Variants in PRMT8 observed in about 807,000 individuals in gnomAD.
PRMT8 encodes protein arginine N-methyltransferase 8.
In PRMT8, 7 loss-of-function variants were observed where a neutral mutation model predicts 47.1. The ratio of observed to expected loss-of-function variants is 0.15; its 90% CI spans 0.08 to 0.28. The LOEUF (loss-of-function observed/expected upper bound fraction) is 0.28. PRMT8 is among the 10% of genes least tolerant of loss of function. The pLI is 1.00. For synonymous variants in PRMT8, 188 were observed against 186.5 expected (o/e 1.01, Z -0.07); for missense variants, 237 against 505.4 (o/e 0.47, Z 5.09).
chr12:3,387,541 G>T (rs1864153875), intron 1 of PRMT8, among the ~76,000 whole-genome samples: 1 of 152,078 alleles, frequency 6.6e-6, no homozygotes, highest in Non-Finnish European at 1.5e-5. Flanking sequence ...GACACTGAGA[G>T]GTGGGCATAA....
intron 1 of PRMT8, among the ~76,000 whole-genome samples, chr12:3,525,943 G>T (rs1285652092): frequency 6.6e-6 from 1 of 151,970 alleles, no homozygotes; most frequent in Non-Finnish European, 1.5e-5. Flanking sequence ...CATTCACATT[G>T]CAGTGCAACC....
At chr12:3,388,127 T>C (rs1487938374) in intron 1 of PRMT8, among the ~76,000 whole-genome samples, 2 of 141,510 alleles carry the variant, frequency 1.4e-5, no homozygotes, top group East Asian at 5.0e-4. Context: ...GGATCACACA[T>C]TGCATTTACT....
intron 1 of PRMT8, among the ~76,000 whole-genome samples, chr12:3,512,160 T>C (rs1452403723): frequency 6.6e-6 from 1 of 152,222 alleles, no homozygotes; most frequent in Non-Finnish European, 1.5e-5. Context: ...ATCAGCCAGC[T>C]ACACTAGACA....
At chr12:3,485,099 C>T (rs1865309896) in intron 1 of PRMT8, among the ~76,000 whole-genome samples, 1 of 152,092 alleles carries the variant, frequency 6.6e-6, no homozygotes, top group Admixed American at 6.6e-5. Context: ...TTAAGAAAAT[C>T]TTAAGTTTTT....
At chr12:3,507,017 A>T (rs557481348) in intron 1 of PRMT8, among the ~76,000 whole-genome samples, 1 of 152,060 alleles carries the variant, frequency 6.6e-6, no homozygotes, top group African/African-American at 2.4e-5. Context: ...TAATGCCACT[A>T]TAAGGGGAAG....
At position 3,550,103 on chromosome 12, in the gene PRMT8, G is replaced by T; in HGVS notation, c.417+12G>T. 1 of 1,612,492 alleles carries T rather than the reference G, an allele frequency of 6.2e-7. No individual in the cohort carries two copies. Among genetic ancestry groups the T allele is most frequent in the Non-Finnish European group, 8.5e-7 (1 of 1,179,254 alleles). On this transcript the variant is annotated intron_variant, in intron 3 of 9. Transcript: ENST00000382622. This position sits in a 1 kb window ranked among gnomAD's most constrained non-coding sequence, Gnocchi z 5.1. ...AGAAGGTGTTTGGGGTGAGCACGCC[G>T]CTTCCTCCTGCATGCTGGCTTCCAC... is the stretch of plus-strand genomic sequence containing the variant.
chr12:3,510,556 T>A (rs1048705188), intron 1 of PRMT8, among the ~76,000 whole-genome samples: 4 of 152,090 alleles, frequency 2.6e-5, no homozygotes, highest in African/African-American at 9.7e-5. Context: ...AATGAAAAAA[T>A]TAAATTGAAT....
intron 1 of PRMT8, among the ~76,000 whole-genome samples, chr12:3,458,105 C>T (rs1467623497): frequency 6.6e-6 from 1 of 151,938 alleles, no homozygotes; most frequent in Non-Finnish European, 1.5e-5. Flanking sequence ...CCTCCCAAAG[C>T]GCTGGGATTA....
At chr12:3,479,035 C>T (rs913473053) in intron 1 of PRMT8, among the ~76,000 whole-genome samples, 2 of 152,228 alleles carry the variant, frequency 1.3e-5, no homozygotes, top group Non-Finnish European at 2.9e-5. Flanking sequence ...TCACGGGTGA[C>T]CAGAGTCAGA....
At chr12:3,575,898 A>G (rs1307773145) in intron 6 of PRMT8, among the ~76,000 whole-genome samples, 1 of 152,164 alleles carries the variant, frequency 6.6e-6, no homozygotes, top group Non-Finnish European at 1.5e-5. Flanking sequence ...GGGTGCCTGT[A>G]ATCCCAGCTA....
Position 3,549,987 on chromosome 12 carries a change from C to T in PRMT8, c.313C>T (p.His105Tyr), listed in dbSNP as rs764530713. ...RTLTYRNSMYHNKHVFKDKVV... is the reference protein window; with the variant it reads ...RTLTYRNSMYYNKHVFKDKVV... ...TCTCACTTACCGGAACTCCATGTAC[C>T]ACAACAAGCACGTGTTCAAGGACAA... Residue 105 changes from histidine (H) to tyrosine (Y), a missense_variant, in exon 3 of 10, where the codon CAC becomes TAC. This residue lies in a region of PRMT8 where 32 missense variants were observed against 73.7 expected (regional missense o/e 0.43). Coordinates refer to ENST00000382622, the MANE Select transcript of PRMT8 (RefSeq NM_019854.5). 1 of 1,614,164 alleles carries T rather than the reference C, an allele frequency of 6.2e-7. No homozygotes were observed. The highest frequency in any genetic ancestry group is 1.7e-5 in the Admixed American group (1 of 60,026).
rs148005955 is a variant in PRMT8 at position 3,540,632 on chromosome 12, C to G, written c.102C>G (p.Pro34=). 1,699 of 1,582,670 alleles carry G rather than the reference C, an allele frequency of 1.1e-3. 23 individuals are homozygous for G. In the African/African-American group the frequency reaches 0.02, roughly 18 times the overall value. ...TGAACAGCCCCCCCTCCCAGCCCCC[C>G]CAGCCCGTCGTCCCTGCTAAGCCCG... ...TEVNSPPSQP[P]QPVVPAKPVQ... is the part of the protein sequence containing the mutation. Residue 34 remains proline (P), a synonymous_variant, in exon 2 of 10, where the codon CCC becomes CCG. Coordinates refer to ENST00000382622, the MANE Select transcript of PRMT8 (RefSeq NM_019854.5).
intron 1 of PRMT8, among the ~76,000 whole-genome samples, chr12:3,479,551 G>A (rs534375026): frequency 6.6e-6 from 1 of 152,232 alleles, no homozygotes; most frequent in African/African-American, 2.4e-5. Flanking sequence ...TCCTCAGATA[G>A]CCATCGTCTC....
intron 7 of PRMT8, among the ~76,000 whole-genome samples, 186 bp from the exon 8 acceptor site, chr12:3,582,872 C>T (rs911770495): frequency 6.6e-6 from 1 of 152,158 alleles, no homozygotes; most frequent in African/African-American, 2.4e-5. Flanking sequence ...TGAGCACACT[C>T]CACCCTAGAA....
At chr12:3,533,017 C>T (rs186789456) in intron 1 of PRMT8, among the ~76,000 whole-genome samples, 21 of 152,212 alleles carry the variant, frequency 1.4e-4, no homozygotes, top group Non-Finnish European at 2.4e-4. Flanking sequence ...AAGGGGTTTC[C>T]AGGAAACACA....
At position 3,592,864 on chromosome 12, in the gene PRMT8, G is replaced by A. The variant is rs753672856; in HGVS notation, c.1102-235G>A. ...TTTACTTCCAGGACGAACTCGGAAC[G>A]TTTTGTTATTAGAGCAGGAAGGATT... On this transcript the variant is annotated intron_variant, in intron 9 of 9. Coordinates refer to ENST00000382622, the MANE Select transcript of PRMT8 (RefSeq NM_019854.5). Among the ~76,000 whole-genome samples the A allele has an allele frequency of 2.6e-5, 4 of 152,208 alleles. 1 individual carries two copies. The highest frequency in any genetic ancestry group is 4.1e-4 in the South Asian group (2 of 4,832).
At chr12:3,537,694 A>G (rs1866142869) in intron 1 of PRMT8, among the ~76,000 whole-genome samples, 1 of 152,148 alleles carries the variant, frequency 6.6e-6, no homozygotes, top group African/African-American at 2.4e-5. Context: ...TGTTGAAGTC[A>G]TCTTTGATTC....
intron 1 of PRMT8, among the ~76,000 whole-genome samples, chr12:3,483,144 G>C (rs868432653): frequency 2.0e-4 from 31 of 152,328 alleles, no homozygotes; most frequent in African/African-American, 6.7e-4. Flanking sequence ...CTGCTGTGGG[G>C]ATTGGTGGGT....
At chr12:3,531,012 G>A (rs888456391) in intron 1 of PRMT8, among the ~76,000 whole-genome samples, 3 of 152,182 alleles carry the variant, frequency 2.0e-5, no homozygotes, top group African/African-American at 4.8e-5. Flanking sequence ...AGAACCCACC[G>A]GTGCTGTTTC....
Sources: gnomAD v4.1 joint callset for allele counts (sites outside exome capture counted in the v4.1 genomes callset) on GRCh38, gnomAD v4.1.1 for gene constraint, gnomAD v4.1.1 regional missense constraint, Gnocchi (gnomAD v3.1) non-coding constraint, MANE v1.5 for transcripts, NCBI Gene and HGNC (gene_info 2026-07-23, HGNC 2026-07-21) for gene names.